The following XKR9 variants were observed in gnomAD, a reference collection of about 807,000 sequenced individuals.
XKR9 encodes XK-related protein 9.
XKR9 carries 32 observed loss-of-function variants against 32.0 expected under a neutral mutation model. The observed-to-expected ratio is 1.00, with a 90% confidence interval of 0.76 to 1.34. The LOEUF is 1.34. XKR9 is among the 40% of genes most tolerant of loss of function. The pLI is 0.00. For missense variants in XKR9, 546 were observed against 429.7 expected (o/e 1.27, Z -2.39); for synonymous variants, 168 against 143.4 (o/e 1.17, Z -1.22).
At chr8:70,746,341 G>A (rs1352238099) in intron 2 of XKR9, among the ~76,000 whole-genome samples, 2 of 145,158 alleles carry the variant, frequency 1.4e-5, no homozygotes, top group African/African-American at 5.0e-5. Flanking sequence ...ACAGAATAAA[G>A]AATATAGAAT....
chr8:70,981,307 C>G, the XKR9 span, among the ~76,000 whole-genome samples: 1 of 152,266 alleles, frequency 6.6e-6, no homozygotes, highest in East Asian at 1.9e-4. Context: ...AACATAGTCC[C>G]AAACTTCTTG....
chr8:70,980,899 C>T, the XKR9 span, among the ~76,000 whole-genome samples: 31 of 152,294 alleles, frequency 2.0e-4, no homozygotes, highest in South Asian at 4.1e-4. Flanking sequence ...ATTTATGAAG[C>T]TTAGTTTCAC....
intron 4 of XKR9, among the ~76,000 whole-genome samples, chr8:70,733,298 A>T (rs1806733939): frequency 6.6e-6 from 1 of 151,510 alleles, no homozygotes; most frequent in African/African-American, 2.4e-5. Flanking sequence ...TTTCTGTTTA[A>T]CCCTCTTTCT....
chr8:70,981,383 C>G, the XKR9 span, among the ~76,000 whole-genome samples: 1 of 152,082 alleles, frequency 6.6e-6, no homozygotes, highest in East Asian at 1.9e-4. Flanking sequence ...AATTGAAGGC[C>G]TTGTCTTCAA....
intron 2 of XKR9, among the ~76,000 whole-genome samples, chr8:70,746,877 A>G (rs1807065910): frequency 6.6e-6 from 1 of 152,170 alleles, no homozygotes; most frequent in Admixed American, 6.5e-5. Context: ...AGTAGTAAAC[A>G]TAGTACACGA....
chr8:70,687,312 C>CCTTTCTTTCTT (rs1554544429), intron 3 of XKR9, among the ~76,000 whole-genome samples: 1 of 138,252 alleles, frequency 7.2e-6, no homozygotes, highest in Non-Finnish European at 1.5e-5. Flanking sequence ...TCTCTCCTCC[C>CCTTTCTTTCTT]TCTTTCTTTC....
At chr8:70,721,724 A>G (rs1806287723) in intron 4 of XKR9, among the ~76,000 whole-genome samples, 1 of 152,104 alleles carries the variant, frequency 6.6e-6, no homozygotes, top group Non-Finnish European at 1.5e-5. Flanking sequence ...GCTTCCAATT[A>G]TGTTGTCGAT....
rs1380308596 is a variant in XKR9, at chr8:70,733,874, C to G, written c.572C>G (p.Pro191Arg). 6.2e-7 allele frequency: 1 copy of G among 1,610,298 alleles called. No homozygotes were observed. The highest frequency in any genetic ancestry group is 8.5e-7 in the Non-Finnish European group (1 of 1,179,022). The change falls in exon 5 of 5, where the codon CCT becomes CGT. Residue 191 changes from proline (P) to arginine (R), a missense_variant. Transcript: ENST00000408926. ...DYQVALRKSL[P>R]DKKLLNGLCP... ...CAAGTAGCTTTAAGAAAATCCTTGCCTGACAAAAAGCTTCTTAATGGATTA... is the reference window on the plus strand; with the variant it reads ...CAAGTAGCTTTAAGAAAATCCTTGCGTGACAAAAAGCTTCTTAATGGATTA...
chr8:71,060,842 A>G, the XKR9 span, among the ~76,000 whole-genome samples: 1 of 152,208 alleles, frequency 6.6e-6, no homozygotes, highest in East Asian at 1.9e-4. Flanking sequence ...CAACTTGGTC[A>G]AGACCACATG....
the XKR9 span, among the ~76,000 whole-genome samples, chr8:71,022,144 A>G: frequency 2.0e-5 from 3 of 152,188 alleles, no homozygotes; most frequent in Non-Finnish European, 2.9e-5. Context: ...GGACAACTGT[A>G]GGTGTGCAGC....
chr8:70,869,202 G>T, the XKR9 span, among the ~76,000 whole-genome samples: 1 of 152,058 alleles, frequency 6.6e-6, no homozygotes. Flanking sequence ...TACATTTTTG[G>T]GTATCTTTTC....
At chr8:70,960,047 T>C in the XKR9 span, among the ~76,000 whole-genome samples, 6 of 152,146 alleles carry the variant, frequency 3.9e-5, no homozygotes, top group African/African-American at 1.4e-4. Context: ...CTGGCCAACA[T>C]GGAGAAGCCC....
At chr8:70,871,963 C>T in the XKR9 span, among the ~76,000 whole-genome samples, 3 of 152,262 alleles carry the variant, frequency 2.0e-5, no homozygotes, top group South Asian at 2.1e-4. Flanking sequence ...CCAACTTTTC[C>T]AATTTGGGAC....
the XKR9 span, among the ~76,000 whole-genome samples, chr8:70,801,907 TTGTGTAA>T: frequency 6.6e-6 from 1 of 152,080 alleles, no homozygotes; most frequent in Non-Finnish European, 1.5e-5. Context: ...CTGTTTCCCA[TTGTGTAA>T]TGCTCTTCTT....
At chr8:71,005,029 G>A in the XKR9 span, among the ~76,000 whole-genome samples, 9 of 58,172 alleles carry the variant, frequency 1.5e-4, no homozygotes, top group African/African-American at 5.8e-4. Flanking sequence ...TTTTTTTGTA[G>A]AGTTGGAGTC....
the XKR9 span, among the ~76,000 whole-genome samples, chr8:70,922,802 T>A: frequency 6.6e-6 from 1 of 152,104 alleles, no homozygotes. Flanking sequence ...GGCAAGAAAA[T>A]GGAAACAGCA....
At position 70,707,048 on chromosome 8, in the gene XKR9, G is replaced by C; in HGVS notation, c.388G>C (p.Asp130His). The C allele has an allele frequency of 1.2e-6, 2 of 1,613,452 alleles. No individual in the cohort carries two copies. Among genetic ancestry groups the C allele is most frequent in the Non-Finnish European group, 1.7e-6 (2 of 1,179,502 alleles). Residue 130 changes from aspartate to histidine, a missense_variant, in exon 4 of 5, where the codon GAT (aspartate) becomes CAT (histidine). Asp to His is a moderately conservative substitution (Grantham distance 81). Coordinates refer to ENST00000408926, the MANE Select transcript of XKR9 (RefSeq NM_001011720.2). ...LHKEVIDRVT[D>H]LSMLRLFETY... The stretch of plus-strand genomic sequence containing the variant: ...TAAAGAAGTTATAGATAGAGTGACT[G>C]ATTTGAGCATGCTCAGACTATTTGA...
intron 3 of XKR9, among the ~76,000 whole-genome samples, chr8:70,689,531 C>T (rs1167664001): frequency 2.0e-5 from 3 of 149,460 alleles, no homozygotes; most frequent in Non-Finnish European, 3.0e-5. Flanking sequence ...CCCGGAGCTT[C>T]CTCTTCTAGA....
intron 2 of XKR9, among the ~76,000 whole-genome samples, chr8:70,742,885 AT>A (rs957915768): frequency 6.6e-6 from 1 of 151,454 alleles, no homozygotes; most frequent in Admixed American, 6.6e-5. Context: ...TGTGTATAGT[AT>A]TTTTTTTCTA....
Sources: allele counts gnomAD v4.1 joint callset (sites outside exome capture counted in the v4.1 genomes callset), GRCh38; gene constraint gnomAD v4.1.1; transcripts MANE v1.5; gene names NCBI Gene and HGNC (gene_info 2026-07-23, HGNC 2026-07-21).